BRINP1: variants seen among roughly 807,000 people sequenced by gnomAD.
BRINP1 encodes BMP/retinoic acid inducible neural specific 1, also known as BMP/retinoic acid-inducible neural-specific protein 1.
BRINP1 carries 17 observed loss-of-function variants against 72.9 expected under a neutral mutation model. That is an observed-to-expected ratio of 0.23 (90% CI 0.16 to 0.35). The LOEUF is 0.35. BRINP1 is among the 10% of genes least tolerant of loss of function. The pLI, the probability that BRINP1 is intolerant of heterozygous loss-of-function variation, is 1.00. For missense variants in BRINP1, 850 were observed against 1,001.6 expected (o/e 0.85, Z 2.04); for synonymous variants, 418 against 378.5 (o/e 1.10, Z -1.21).
chr9:119,184,030 TCCCCTGAG>T, intron 7 of BRINP1, among the ~76,000 whole-genome samples: 1 of 151,696 alleles, frequency 6.6e-6, no homozygotes, highest in Non-Finnish European at 1.5e-5. Context: ...TTTGACTAAA[TCCCCTGAG>T]CTTACAGATT....
In BRINP1 at chr9:119,213,994, T is replaced by C; in HGVS notation, c.847A>G (p.Ile283Val). 1 of 1,614,178 alleles carries C rather than the reference T, an allele frequency of 6.2e-7. No individual in the cohort carries two copies. The highest frequency in any genetic ancestry group is 2.2e-5 in the East Asian group (1 of 44,858). Residue 283 changes from isoleucine to valine, a missense_variant, in exon 6 of 8, where the codon ATC becomes GTC. Coordinates refer to ENST00000265922, the MANE Select transcript of BRINP1 (RefSeq NM_014618.3). ...GCCAGCGTGTACTCCATGATCTGGATGTCCGTGATGGGGCAGTTGCACTGC... is the reference window on the plus strand; with the variant it reads ...GCCAGCGTGTACTCCATGATCTGGACGTCCGTGATGGGGCAGTTGCACTGC... ...FPQCNCPITD[I>V]QIMEYTLANM...
At chr9:119,271,518 G>A (rs1235517173) in intron 2 of BRINP1, among the ~76,000 whole-genome samples, 1 of 151,826 alleles carries the variant, frequency 6.6e-6, no homozygotes, top group Non-Finnish European at 1.5e-5. Context: ...TTATTTATAG[G>A]AGAATGTATT....
intron 1 of BRINP1, among the ~76,000 whole-genome samples, chr9:119,359,429 C>T (rs961358695): frequency 6.6e-6 from 1 of 152,210 alleles, no homozygotes; most frequent in South Asian, 2.1e-4. Flanking sequence ...CTCAAACAGC[C>T]GGCCTCAAGC....
chr9:119,301,265 C>T (rs1004285606), intron 2 of BRINP1, among the ~76,000 whole-genome samples: 16 of 152,160 alleles, frequency 1.1e-4, no homozygotes, highest in African/African-American at 3.9e-4. Flanking sequence ...TAAAAATGTT[C>T]CCCTTCTCTT....
chr9:119,325,025 G>A (rs1831225576), intron 1 of BRINP1, among the ~76,000 whole-genome samples: 1 of 151,938 alleles, frequency 6.6e-6, no homozygotes, highest in South Asian at 2.1e-4. Flanking sequence ...GCTTGAACCA[G>A]GGAGGCGAAA....
intron 4 of BRINP1, 101 bp from the exon 5 acceptor site, chr9:119,238,861 C>A: frequency 1.4e-6 from 1 of 714,828 alleles, no homozygotes; most frequent in Non-Finnish European, 2.3e-6. Context: ...GCAGAAAAGG[C>A]CTCCTGGTTT....
intron 1 of BRINP1, among the ~76,000 whole-genome samples, 180 bp from the exon 2 acceptor site, chr9:119,313,585 G>A (rs1831091995): frequency 6.6e-6 from 1 of 152,102 alleles, no homozygotes; most frequent in South Asian, 2.1e-4. Flanking sequence ...GTACAGTTCT[G>A]GTTAAAAACA....
chr9:119,316,232 G>C (rs934021662), intron 1 of BRINP1, among the ~76,000 whole-genome samples: 5 of 152,004 alleles, frequency 3.3e-5, no homozygotes, highest in African/African-American at 1.2e-4. Flanking sequence ...GATTACAGGT[G>C]CACGCCACCA....
At chr9:119,362,857 C>A (rs1372811098) in intron 1 of BRINP1, among the ~76,000 whole-genome samples, 1 of 152,112 alleles carries the variant, frequency 6.6e-6, no homozygotes, top group African/African-American at 2.4e-5. Flanking sequence ...TTGACAATGA[C>A]CTTCTGTCAA....
intron 2 of BRINP1, among the ~76,000 whole-genome samples, chr9:119,300,788 C>A (rs1467867533): frequency 2.0e-5 from 3 of 152,208 alleles, no homozygotes; most frequent in African/African-American, 7.2e-5. Context: ...AAGGTCAAGA[C>A]TTTATAAAAG....
intron 1 of BRINP1, among the ~76,000 whole-genome samples, chr9:119,318,711 T>C (rs1265090712): frequency 6.6e-6 from 1 of 152,182 alleles, no homozygotes; most frequent in Non-Finnish European, 1.5e-5. Context: ...ACATGGCTTC[T>C]ATTGTAAACT....
intron 2 of BRINP1, among the ~76,000 whole-genome samples, chr9:119,264,950 C>A (rs920009151): frequency 2.0e-5 from 3 of 152,170 alleles, no homozygotes; most frequent in Non-Finnish European, 4.4e-5. Flanking sequence ...GGATTACAGG[C>A]GTGAGCCACC....
At chr9:119,306,622 C>T (rs944654208) in intron 2 of BRINP1, among the ~76,000 whole-genome samples, 1 of 152,184 alleles carries the variant, frequency 6.6e-6, no homozygotes, top group Admixed American at 6.5e-5. Context: ...ATGACACAAT[C>T]CATGTATATC....
intron 2 of BRINP1, among the ~76,000 whole-genome samples, 159 bp downstream of exon 2, chr9:119,312,979 G>C (rs1831083929): frequency 6.6e-6 from 1 of 151,988 alleles, no homozygotes; most frequent in Non-Finnish European, 1.5e-5. Flanking sequence ...TTAATCTCTT[G>C]TGCAAAGAAA....
In BRINP1 at chr9:119,323,064, G is replaced by C. The variant is rs148437248; in HGVS notation, c.-50-9659C>G. ...TCTTACCCACATCACAGCATGAAAAGTAAGATGCCAGGACTAGGAGTGGAG... is the reference window on the plus strand; with the variant it reads ...TCTTACCCACATCACAGCATGAAAACTAAGATGCCAGGACTAGGAGTGGAG... On this transcript the variant is annotated intron_variant, in intron 1 of 7. Transcript: ENST00000265922. Among the ~76,000 whole-genome samples the C allele has an allele frequency of 5.3e-5, 8 of 152,258 alleles. No individual in the cohort carries two copies. The East Asian group carries it at 1.5e-3, about 29-fold the overall frequency.
chr9:119,237,237 T>G (rs1388556230), intron 5 of BRINP1, among the ~76,000 whole-genome samples: 1 of 152,026 alleles, frequency 6.6e-6, no homozygotes, highest in Non-Finnish European at 1.5e-5. Flanking sequence ...AGTTAATACA[T>G]GATCATTGTA....
intron 5 of BRINP1, among the ~76,000 whole-genome samples, chr9:119,217,753 G>A (rs1829994019): frequency 6.6e-6 from 1 of 151,954 alleles, no homozygotes; most frequent in Non-Finnish European, 1.5e-5. Flanking sequence ...CTTTCTCTGT[G>A]TCACATGATG....
At chr9:119,216,176 T>G (rs1829973535) in intron 5 of BRINP1, among the ~76,000 whole-genome samples, 1 of 152,054 alleles carries the variant, frequency 6.6e-6, no homozygotes, top group South Asian at 2.1e-4. Flanking sequence ...GAAAAACAGG[T>G]GTGGGTGTAT....
At chr9:119,361,777 C>T (rs986041709) in intron 1 of BRINP1, among the ~76,000 whole-genome samples, 9 of 147,052 alleles carry the variant, frequency 6.1e-5, no homozygotes, top group Non-Finnish European at 1.2e-4. Context: ...TGCACCATTA[C>T]GCCCAGCTAC....
Sources: allele counts gnomAD v4.1 joint callset (sites outside exome capture counted in the v4.1 genomes callset), GRCh38; gene constraint gnomAD v4.1.1; transcripts MANE v1.5; gene names NCBI Gene and HGNC (gene_info 2026-07-23, HGNC 2026-07-21).